The following VTI1A variants were observed in gnomAD, a reference collection of about 807,000 sequenced individuals.
VTI1A encodes vesicle transport through interaction with t-SNAREs 1A.
Under a neutral mutation model 34.9 loss-of-function variants are expected in VTI1A, and 22 were observed. The observed-to-expected ratio is 0.63, with a 90% CI of 0.45 to 0.90. The LOEUF is 0.90. Ranked by LOEUF, VTI1A falls within the 40% of genes least tolerant of loss-of-function variation. The pLI, the probability that VTI1A is intolerant of heterozygous loss-of-function variation, is 0.00. For missense variants in VTI1A, 268 were observed against 275.6 expected (o/e 0.97, Z 0.20); for synonymous variants, 87 against 97.3 (o/e 0.89, Z 0.62).
intron 7 of VTI1A, among the ~76,000 whole-genome samples, chr10:112,811,683 CAAAAAAAAAAAA>C (rs869030543): frequency 8.5e-4 from 10 of 11,826 alleles, no homozygotes; most frequent in East Asian, 5.6e-3. Context: ...GACTCCGTCT[CAAAAAAAAAAAA>C]AAAAAAAAAA....
intron 5 of VTI1A, among the ~76,000 whole-genome samples, chr10:112,663,452 G>A (rs1847535037): frequency 6.6e-6 from 1 of 152,170 alleles, no homozygotes; most frequent in Non-Finnish European, 1.5e-5. Flanking sequence ...GTTTCCATGG[G>A]AATGGTAATT....
chr10:112,687,705 C>A (rs1202634429), intron 7 of VTI1A, among the ~76,000 whole-genome samples: 1 of 152,034 alleles, frequency 6.6e-6, no homozygotes, highest in Non-Finnish European at 1.5e-5. Context: ...ACAACTGCCT[C>A]GTTGATCAAG....
At chr10:112,625,471 T>G (rs1249204656) in intron 5 of VTI1A, among the ~76,000 whole-genome samples, 1 of 151,938 alleles carries the variant, frequency 6.6e-6, no homozygotes, top group Non-Finnish European at 1.5e-5. Context: ...AAACCCCATC[T>G]CTACTAAAAA....
In VTI1A at chr10:112,811,712, A is replaced by AAAAGTT; in HGVS notation, c.561-3578_561-3577insAAAGTT. 2.4e-5 allele frequency among the ~76,000 whole-genome samples: 2 copies of AAAAGTT among 84,046 alleles called. 1 individual carries two copies. Among genetic ancestry groups the AAAAGTT allele is most frequent in the South Asian group, 8.0e-4 (2 of 2,502 alleles). 55.1% of individuals were successfully genotyped at this position (84,046 alleles called of 152,430 possible). A position where few individuals can be genotyped will look rare whatever the true frequency, so the allele number is the denominator to read the frequency against. ...AAAAAAAAAAAAAAAAAAAAAAAAA[A>AAAAGTT]GAGTGCAGTCCATGCCTGGAAGTAG... is the stretch of plus-strand genomic sequence containing the variant. On this transcript the variant is annotated intron_variant, in intron 7 of 7. Coordinates refer to ENST00000393077, the MANE Select transcript of VTI1A (RefSeq NM_145206.4).
intron 5 of VTI1A, among the ~76,000 whole-genome samples, chr10:112,546,182 T>C (rs959534235): frequency 4.0e-5 from 6 of 149,350 alleles, no homozygotes; most frequent in African/African-American, 1.2e-4. Flanking sequence ...CACACACACA[T>C]ACGCACACAC....
At chr10:112,609,520 ATAG>A (rs1845211191) in intron 5 of VTI1A, among the ~76,000 whole-genome samples, 1 of 152,236 alleles carries the variant, frequency 6.6e-6, no homozygotes, top group Admixed American at 6.5e-5. Context: ...ACTTTTGAGT[ATAG>A]TAGAAGACAA....
chr10:112,771,611 T>A (rs950873302), intron 7 of VTI1A, among the ~76,000 whole-genome samples: 2 of 152,226 alleles, frequency 1.3e-5, no homozygotes, highest in African/African-American at 4.8e-5. Flanking sequence ...GGGGTTTTTT[T>A]AGTATACTCT....
chr10:112,738,528 A>C (rs1219626169), intron 7 of VTI1A, among the ~76,000 whole-genome samples: 4 of 152,142 alleles, frequency 2.6e-5, no homozygotes, highest in Non-Finnish European at 5.9e-5. Context: ...TTGGAAAATA[A>C]ATGACTGGAC....
chr10:112,734,610 T>C (rs1850387901), intron 7 of VTI1A, among the ~76,000 whole-genome samples: 1 of 152,134 alleles, frequency 6.6e-6, no homozygotes, highest in South Asian at 2.1e-4. Context: ...CCTTACTCAT[T>C]TTAATATCTA....
chr10:112,801,920 A>C (rs1377679355), intron 7 of VTI1A, among the ~76,000 whole-genome samples: 1 of 152,230 alleles, frequency 6.6e-6, no homozygotes, highest in Non-Finnish European at 1.5e-5. Context: ...GAATCGGTTG[A>C]CTTTGGTTAA....
At chr10:112,715,301 A>G (rs74156804) in intron 7 of VTI1A, among the ~76,000 whole-genome samples, 1,953 of 152,308 alleles carry the variant, frequency 0.013, 40 homozygotes, top group African/African-American at 0.043. Context: ...ACACTGAAAA[A>G]GGGATGGGAG....
chr10:112,495,610 T>C (rs1848991421), intron 3 of VTI1A, among the ~76,000 whole-genome samples: 1 of 152,198 alleles, frequency 6.6e-6, no homozygotes, highest in African/African-American at 2.4e-5. Context: ...AGAAATTAAA[T>C]AGCCAGTTTG....
chr10:112,760,617 A>G (rs1343909892), intron 7 of VTI1A, among the ~76,000 whole-genome samples: 2 of 152,188 alleles, frequency 1.3e-5, no homozygotes, highest in Non-Finnish European at 2.9e-5. Context: ...CAGTCCAGGC[A>G]CAGTGGCTCA....
rs1846857703 is a variant in VTI1A at position 112,647,749 on chromosome 10, A to AT, written c.428-20463dup. Among the ~76,000 whole-genome samples the AT allele has an allele frequency of 2.6e-5, 4 of 152,146 alleles. No individual in the cohort carries two copies. The South Asian group carries it at 8.3e-4, about 31-fold the overall frequency. On this transcript the variant is annotated intron_variant, in intron 5 of 7. Transcript: ENST00000393077. Reference sequence around the variant, plus strand: ...TAAAATAATTATACTTTGTCTCTGCATTTTTTAAATTTATTTTTAATTTTA... The same window carrying AT: ...TAAAATAATTATACTTTGTCTCTGCATTTTTTTAAATTTATTTTTAATTTTA...
chr10:112,777,393 GA>G (rs1201725594), intron 7 of VTI1A, among the ~76,000 whole-genome samples: 5 of 152,134 alleles, frequency 3.3e-5, no homozygotes, highest in African/African-American at 1.2e-4. Flanking sequence ...GCACTAAATT[GA>G]CACCAACAAA....
At chr10:112,548,387 A>T (rs776961768) in intron 5 of VTI1A, among the ~76,000 whole-genome samples, 1 of 150,142 alleles carries the variant, frequency 6.7e-6, no homozygotes, top group Non-Finnish European at 1.5e-5. Context: ...ATTAAAAAGT[A>T]CTGATTTTTA....
At chr10:112,824,755 A>G in the VTI1A span, 1 of 152,220 alleles carries the variant, frequency 6.6e-6, no homozygotes, top group Non-Finnish European at 1.5e-5. Context: ...GTGTGGCCTT[A>G]TATGCCAGTC....
intron 5 of VTI1A, among the ~76,000 whole-genome samples, chr10:112,627,499 T>A (rs1442535005): frequency 6.6e-6 from 1 of 152,172 alleles, no homozygotes; most frequent in African/African-American, 2.4e-5. Context: ...TCGTCCCCTT[T>A]ACCCCTACCC....
intron 3 of VTI1A, among the ~76,000 whole-genome samples, chr10:112,526,023 A>G (rs1850211846): frequency 6.6e-6 from 1 of 152,214 alleles, no homozygotes; most frequent in South Asian, 2.1e-4. Flanking sequence ...CCAAGTGAGG[A>G]AGAGATTACT....
Sources: gnomAD v4.1 joint callset for allele counts (sites outside exome capture counted in the v4.1 genomes callset) on GRCh38, gnomAD v4.1.1 for gene constraint, MANE v1.5 for transcripts, NCBI Gene and HGNC (gene_info 2026-07-23, HGNC 2026-07-21) for gene names.